Variants in KCNQ1 observed in about 807,000 individuals in gnomAD.
KCNQ1 encodes the protein potassium voltage-gated channel subfamily KQT member 1.
KCNQ1 carries 49 observed loss-of-function variants against 72.4 expected under a neutral mutation model. The ratio of observed to expected loss-of-function variants is 0.68; its 90% CI spans 0.54 to 0.86. KCNQ1 has a LOEUF of 0.86. KCNQ1 is among the 40% of genes least tolerant of loss of function. KCNQ1 has a pLI of 0.00. For missense variants in KCNQ1, 790 were observed against 945.1 expected, an observed-to-expected ratio of 0.84 and a Z score of 2.15; for synonymous variants, 450 against 412.6, an observed-to-expected ratio of 1.09 and a Z score of -1.10.
At chr11:2,571,783 C>T (rs1848338438) in intron 4 of KCNQ1, among the ~76,000 whole-genome samples, 2 of 152,126 alleles carry the variant, frequency 1.3e-5, no homozygotes, top group South Asian at 2.1e-4. Context: ...CCTGGCCGAC[C>T]CCCAGCTCAG....
At position 2,810,011 on chromosome 11, in the gene KCNQ1, T is replaced by C. The variant is rs189172075; in HGVS notation, c.1794+31974T>C. On this transcript the variant is annotated intron_variant, in intron 15 of 15. Coordinates refer to ENST00000155840, the MANE Select transcript of KCNQ1 (RefSeq NM_000218.3). ...TCAAAGTTCTTACATGGTGAAAATA[T>C]CTTCATTCAACCATGGTGCCCTATT... is the stretch of plus-strand genomic sequence containing the variant. Among the ~76,000 whole-genome samples, 41 of 152,366 alleles carry C rather than the reference T, an allele frequency of 2.7e-4. No homozygotes were observed. In the East Asian group the frequency reaches 7.9e-3, roughly 29 times the overall value.
chr11:2,730,889 C>T (rs986723780), intron 11 of KCNQ1, among the ~76,000 whole-genome samples: 3 of 152,204 alleles, frequency 2.0e-5, no homozygotes, highest in African/African-American at 4.8e-5. Context: ...CAGGGCTGGG[C>T]ACCAGGCCAG....
rs987409521 is a variant in KCNQ1, at chr11:2,668,147, A to C, written c.1514+6066A>C. On this transcript the variant is annotated intron_variant, in intron 11 of 15. Coordinates refer to ENST00000155840, the MANE Select transcript of KCNQ1 (RefSeq NM_000218.3). The surrounding 1 kb of genome is among the most constrained non-coding windows in gnomAD (Gnocchi z 4.3). ...GCAGCCTCTCTATGGGGCTGAAGGG[A>C]GAGTGCTCCCTCATGCTCCTTGCTG... is the stretch of plus-strand genomic sequence containing the variant. 1.3e-5 allele frequency: 5 copies of C among 398,490 alleles called. No homozygotes were observed. Among genetic ancestry groups the C allele is most frequent in the African/African-American group, 2.1e-5 (1 of 48,602 alleles). 24.7% of individuals were successfully genotyped at this position (398,490 alleles called of 1,614,324 possible). A position where few individuals can be genotyped will look rare whatever the true frequency, so the allele number is the denominator to read the frequency against.
At chr11:2,672,736 T>C (rs1030979477) in intron 11 of KCNQ1, 2 of 398,782 alleles carry the variant, frequency 5.0e-6, no homozygotes, top group East Asian at 3.6e-5. Context: ...CTCCAAGTTC[T>C]ATGCTTTTTT....
rs1420202739 is a variant in KCNQ1, at chr11:2,508,292, G to A, written c.387-19636G>A. Among the ~76,000 whole-genome samples, 9 of 152,166 alleles carry A rather than the reference G, an allele frequency of 5.9e-5. No individual in the cohort carries two copies. The highest frequency in any genetic ancestry group is 2.6e-4 in the Admixed American group (4 of 15,288). ...ACCATACTGGCTTGTCTGACTTGCC[G>A]TTACCCGGCGGAGATATGTCTTGGA... On this transcript the variant is annotated intron_variant, in intron 1 of 15. Coordinates refer to ENST00000155840, the MANE Select transcript of KCNQ1 (RefSeq NM_000218.3). The surrounding 1 kb of genome is among the most constrained non-coding windows in gnomAD (Gnocchi z 6.2).
intron 15 of KCNQ1, among the ~76,000 whole-genome samples, chr11:2,832,657 C>T (rs979009224): frequency 6.6e-6 from 1 of 152,218 alleles, no homozygotes; most frequent in Non-Finnish European, 1.5e-5. Context: ...CTGCCCGCCT[C>T]CCCGGAGCAT....
At position 2,484,004 on chromosome 11, in the gene KCNQ1, C is replaced by A. The variant is rs1457285507; in HGVS notation, c.386+38520C>A. ...TGCCAAATGGGGATTTGTTTATTTC[C>A]CACTTTCTTTCTATGTTTGTTAATT... is the stretch of plus-strand genomic sequence containing the variant. On this transcript the variant is annotated intron_variant, in intron 1 of 15. Coordinates refer to ENST00000155840, the MANE Select transcript of KCNQ1 (RefSeq NM_000218.3). The surrounding 1 kb of genome is among the most constrained non-coding windows in gnomAD (Gnocchi z 5.2). 2.6e-5 allele frequency among the ~76,000 whole-genome samples: 4 copies of A among 152,072 alleles called. No homozygotes were observed. The highest frequency in any genetic ancestry group is 9.7e-5 in the African/African-American group (4 of 41,392).
intron 1 of KCNQ1, among the ~76,000 whole-genome samples, chr11:2,518,197 G>A (rs1181380357): frequency 1.3e-5 from 2 of 152,264 alleles, no homozygotes; most frequent in African/African-American, 4.8e-5. Context: ...TCTGGTCGGG[G>A]AGGCAGTGGT....
intron 10 of KCNQ1, chr11:2,649,719 T>G (rs1649253220): frequency 2.5e-6 from 1 of 398,470 alleles, no homozygotes; most frequent in Non-Finnish European, 4.4e-6. Context: ...TCTCTCTTGT[T>G]TTTTAAATTC....
Position 2,839,281 on chromosome 11 carries a change from C to T in KCNQ1, c.1795-8486C>T, listed in dbSNP as rs75152607. On this transcript the variant is annotated intron_variant, in intron 15 of 15. Coordinates refer to ENST00000155840, the MANE Select transcript of KCNQ1 (RefSeq NM_000218.3). Reference sequence around the variant, plus strand: ...AGAGGGCAAAGGGGCTCCAGTGCCACCCAGGGAGTGTTGTGCCACGTGGGC... The same window carrying T: ...AGAGGGCAAAGGGGCTCCAGTGCCATCCAGGGAGTGTTGTGCCACGTGGGC... Among the ~76,000 whole-genome samples the T allele has an allele frequency of 1.4e-3, 209 of 151,762 alleles. 2 individuals carry two copies. Among genetic ancestry groups the T allele is most frequent in the African/African-American group, 4.9e-3 (203 of 41,022 alleles).
chr11:2,693,176 A>G (rs1850616911), intron 11 of KCNQ1: 2 of 398,686 alleles, frequency 5.0e-6, no homozygotes, highest in Non-Finnish European at 4.4e-6. Context: ...ACTCATGAAT[A>G]TCTGGTCTGG....
chr11:2,801,784 G>T (rs1847271496), intron 15 of KCNQ1, among the ~76,000 whole-genome samples: 1 of 152,218 alleles, frequency 6.6e-6, no homozygotes, highest in South Asian at 2.1e-4. Flanking sequence ...GGAGGGGAGA[G>T]CTTGTTGCGG....
intron 15 of KCNQ1, among the ~76,000 whole-genome samples, chr11:2,802,483 G>GA (rs1316906677): frequency 6.6e-6 from 1 of 152,216 alleles, no homozygotes; most frequent in Non-Finnish European, 1.5e-5. Flanking sequence ...AAGCCCCCTG[G>GA]AGACTCCAGG....
rs190166439 is a variant in KCNQ1, at chr11:2,660,158, G to A, written c.1394-1803G>A. On this transcript the variant is annotated intron_variant, in intron 10 of 15. Coordinates refer to ENST00000155840, the MANE Select transcript of KCNQ1 (RefSeq NM_000218.3). ...AGATTTTCTCTTATGTTTTCTTCAA[G>A]ATATTTTATGGTTTTATGTTTTATT... The A allele has an allele frequency of 3.8e-3, 1,522 of 398,186 alleles. 6 individuals carry two copies. Among genetic ancestry groups the A allele is most frequent in the Non-Finnish European group, 5.4e-3 (1,210 of 225,914 alleles). The allele number at this position is 398,186 out of a possible 1,614,324, so 24.7% of individuals were successfully genotyped here. A position where few individuals can be genotyped will look rare whatever the true frequency, so the allele number is the denominator to read the frequency against.
chr11:2,611,248 C>T lies in KCNQ1; in HGVS notation c.1393+22394C>T, dbSNP rs1034182674. On this transcript the variant is annotated intron_variant, in intron 10 of 15. Coordinates refer to ENST00000155840, the MANE Select transcript of KCNQ1 (RefSeq NM_000218.3). The surrounding 1 kb of genome is among the most constrained non-coding windows in gnomAD (Gnocchi z 5.3). ...TTTTATTTTATTTTTGGGATGGAGT[C>T]TCACTCTGTTGCCCAGGCTGGAGTG... The T allele has an allele frequency of 9.2e-4, 364 of 397,638 alleles. No homozygotes were observed. The highest frequency in any genetic ancestry group is 1.3e-3 in the Non-Finnish European group (290 of 225,972). The allele number at this position is 397,638 out of a possible 1,614,324, so 24.6% of individuals were successfully genotyped here. A position where few individuals can be genotyped will look rare whatever the true frequency, so the allele number is the denominator to read the frequency against.
chr11:2,754,878 A>G (rs999490252), intron 11 of KCNQ1, among the ~76,000 whole-genome samples: 14 of 152,256 alleles, frequency 9.2e-5, no homozygotes, highest in South Asian at 2.1e-4. Context: ...AGAATCCCTC[A>G]TCATCCAAAG....
At chr11:2,796,143 G>A (rs1332704904) in intron 15 of KCNQ1, among the ~76,000 whole-genome samples, 7 of 152,174 alleles carry the variant, frequency 4.6e-5, no homozygotes, top group Admixed American at 2.0e-4. Flanking sequence ...ACTTCCTCCC[G>A]GCATGCATGA....
At chr11:2,636,010 T>C (rs1201494229) in intron 10 of KCNQ1, 1 of 152,246 alleles carries the variant, frequency 6.6e-6, no homozygotes, top group Admixed American at 6.5e-5. Context: ...ATAAGAATGC[T>C]TGTGATGTTT....
intron 1 of KCNQ1, among the ~76,000 whole-genome samples, chr11:2,485,884 C>G (rs552453481): frequency 5.3e-5 from 8 of 152,334 alleles, no homozygotes; most frequent in African/African-American, 1.7e-4. Context: ...TTTTCCTTTT[C>G]AAGGCTGAAT....
Sources: allele counts gnomAD v4.1 joint callset (sites outside exome capture counted in the v4.1 genomes callset), GRCh38; gene constraint gnomAD v4.1.1; non-coding constraint Gnocchi (gnomAD v3.1); transcripts MANE v1.5; gene names NCBI Gene and HGNC (gene_info 2026-07-23, HGNC 2026-07-21).